EPHA6: variants seen among roughly 807,000 people sequenced by gnomAD.
EPHA6 encodes ephrin type-A receptor 6.
EPHA6 carries 50 observed loss-of-function variants against 112.0 expected under a neutral mutation model. That is an observed-to-expected ratio of 0.45 (90% CI 0.36 to 0.56). The LOEUF (loss-of-function observed/expected upper bound fraction) is 0.56, where lower values mean the gene tolerates loss of function less well. Among genes scored for constraint, EPHA6 ranks in the 20% least tolerant of loss-of-function variants. The pLI is 0.00. For missense variants in EPHA6, 1,280 were observed against 1,417.4 expected, an observed-to-expected ratio of 0.90 and a Z score of 1.56; for synonymous variants, 529 against 490.7, an observed-to-expected ratio of 1.08 and a Z score of -1.03.
At chr3:97,174,403 G>T (rs1023505193) in intron 3 of EPHA6, among the ~76,000 whole-genome samples, 3 of 151,794 alleles carry the variant, frequency 2.0e-5, no homozygotes, top group Non-Finnish European at 4.4e-5. Flanking sequence ...CCTTTCTTTT[G>T]GGTATATTCT....
rs369267090 is a variant in EPHA6 at position 97,477,507 on chromosome 3, AAGAG to A, written c.2004-1780_2004-1777del. 3.1e-3 allele frequency among the ~76,000 whole-genome samples: 468 copies of A among 151,478 alleles called. 2 individuals are homozygous for A. The highest frequency in any genetic ancestry group is 0.01 in the African/African-American group (425 of 41,362). On this transcript the variant is annotated intron_variant, in intron 8 of 17. Coordinates refer to ENST00000389672, the MANE Select transcript of EPHA6 (RefSeq NM_001080448.3). Reference sequence around the variant, plus strand: ...AGGGAGGGAGGAAAGGAAGGAGAGAAAGAGAGAGAGGAAGTTTCAGTGAGGGTTA... The same window carrying A: ...AGGGAGGGAGGAAAGGAAGGAGAGAAAGAGAGGAAGTTTCAGTGAGGGTTA...
intron 5 of EPHA6, among the ~76,000 whole-genome samples, chr3:97,285,296 A>G (rs1203246752): frequency 1.3e-5 from 2 of 152,136 alleles, no homozygotes; most frequent in African/African-American, 4.8e-5. Context: ...AATGTGATAA[A>G]TGTAACTATC....
At chr3:97,642,082 G>C (rs1471153623) in intron 14 of EPHA6, among the ~76,000 whole-genome samples, 1 of 144,464 alleles carries the variant, frequency 6.9e-6, no homozygotes, top group East Asian at 2.0e-4. Context: ...CCAGCACGCA[G>C]CTGGAGATCT....
At chr3:97,260,245 C>T (rs2079457252) in intron 5 of EPHA6, among the ~76,000 whole-genome samples, 1 of 152,152 alleles carries the variant, frequency 6.6e-6, no homozygotes, top group South Asian at 2.1e-4. Flanking sequence ...TTGGGTTGCC[C>T]TAACAGAGTG....
At chr3:97,712,345 A>G (rs1299295920) in intron 14 of EPHA6, among the ~76,000 whole-genome samples, 1 of 152,216 alleles carries the variant, frequency 6.6e-6, no homozygotes, top group African/African-American at 2.4e-5. Context: ...ACTGCTATCC[A>G]GATAAGAGTG....
At chr3:97,146,373 T>C (rs971342357) in intron 3 of EPHA6, among the ~76,000 whole-genome samples, 1 of 151,906 alleles carries the variant, frequency 6.6e-6, no homozygotes, top group African/African-American at 2.4e-5. Context: ...GAATATCACT[T>C]AGTTCTATTA....
chr3:97,714,303 A>G (rs2034119177), intron 14 of EPHA6, among the ~76,000 whole-genome samples: 1 of 152,212 alleles, frequency 6.6e-6, no homozygotes, highest in South Asian at 2.1e-4. Context: ...AATCCACTTA[A>G]CAAATGTTAT....
At position 96,847,261 on chromosome 3, in the gene EPHA6, A is replaced by G. The variant is rs1293051692; in HGVS notation, c.386-19564A>G. Reference sequence around the variant, plus strand: ...TAAAATATTATGTGTAATTGTTGGTAAAATTTAATGCTCATGAATTAACCC... The same window carrying G: ...TAAAATATTATGTGTAATTGTTGGTGAAATTTAATGCTCATGAATTAACCC... On this transcript the variant is annotated intron_variant, in intron 1 of 17. Transcript: ENST00000389672. Among the ~76,000 whole-genome samples, 5 of 152,094 alleles carry G rather than the reference A, an allele frequency of 3.3e-5. No individual in the cohort carries two copies. The East Asian group carries it at 5.8e-4, about 18-fold the overall frequency.
chr3:96,884,371 A>G (rs950323585), intron 2 of EPHA6, among the ~76,000 whole-genome samples: 1 of 151,988 alleles, frequency 6.6e-6, no homozygotes, highest in African/African-American at 2.4e-5. Context: ...GTTTCCATTC[A>G]TTTGTGTCAT....
intron 14 of EPHA6, chr3:97,648,404 A>C: frequency 6.5e-7 from 1 of 1,529,086 alleles, no homozygotes; most frequent in Non-Finnish European, 8.8e-7. Flanking sequence ...AATTATAAAA[A>C]ATAATGAAGC....
chr3:97,496,694 T>C (rs796789309), intron 10 of EPHA6, among the ~76,000 whole-genome samples: 9 of 152,276 alleles, frequency 5.9e-5, no homozygotes, highest in African/African-American at 1.9e-4. Context: ...TCAGTCTTTC[T>C]GTCTGTAGTC....
chr3:97,267,564 C>T (rs573041034), intron 5 of EPHA6, among the ~76,000 whole-genome samples: 22 of 152,122 alleles, frequency 1.4e-4, no homozygotes, highest in Non-Finnish European at 2.8e-4. Flanking sequence ...CGAAAAAAAT[C>T]TTATGTTTAT....
chr3:97,016,377 C>T (rs2044266868), intron 3 of EPHA6, among the ~76,000 whole-genome samples: 1 of 152,018 alleles, frequency 6.6e-6, no homozygotes, highest in African/African-American at 2.4e-5. Flanking sequence ...TTTAAATTCC[C>T]TCCCACTCTG....
intron 3 of EPHA6, among the ~76,000 whole-genome samples, chr3:97,148,416 T>C (rs143978637): frequency 2.0e-5 from 3 of 152,066 alleles, no homozygotes; most frequent in Admixed American, 2.0e-4. Flanking sequence ...AGGCTGCAGC[T>C]ACAATTATGC....
intron 2 of EPHA6, among the ~76,000 whole-genome samples, chr3:96,869,122 A>G (rs1339697716): frequency 1.3e-5 from 2 of 152,034 alleles, no homozygotes; most frequent in Non-Finnish European, 2.9e-5. Flanking sequence ...TTTTTCTTTT[A>G]AGCATTGTCC....
intron 5 of EPHA6, among the ~76,000 whole-genome samples, chr3:97,275,178 A>T (rs1354014492): frequency 2.6e-5 from 4 of 152,168 alleles, no homozygotes; most frequent in African/African-American, 9.7e-5. Flanking sequence ...ACCATGCCTA[A>T]GAAGGAAAGG....
chr3:97,382,816 A>G (rs1160502418), intron 5 of EPHA6, among the ~76,000 whole-genome samples: 1 of 152,054 alleles, frequency 6.6e-6, no homozygotes, highest in African/African-American at 2.4e-5. Flanking sequence ...TCTAGGTTCA[A>G]TTTTAGTATT....
At chr3:97,131,134 C>G (rs901713271) in intron 3 of EPHA6, among the ~76,000 whole-genome samples, 1 of 152,012 alleles carries the variant, frequency 6.6e-6, no homozygotes, top group African/African-American at 2.4e-5. Flanking sequence ...GGAAAATTAT[C>G]TAAATTAATT....
intron 3 of EPHA6, among the ~76,000 whole-genome samples, chr3:97,112,307 T>C (rs539368748): frequency 4.1e-4 from 63 of 152,270 alleles, no homozygotes; most frequent in African/African-American, 1.5e-3. Flanking sequence ...CTGTCACTTA[T>C]TAAAACAGTA....
Sources: allele counts gnomAD v4.1 joint callset (sites outside exome capture counted in the v4.1 genomes callset), GRCh38; gene constraint gnomAD v4.1.1; transcripts MANE v1.5; gene names NCBI Gene and HGNC (gene_info 2026-07-23, HGNC 2026-07-21).